The following FOXJ3 variants were observed in gnomAD, a reference collection of about 807,000 sequenced individuals.
The protein encoded by FOXJ3 is forkhead box J3, also known as forkhead box protein J3.
Under a neutral mutation model 76.1 loss-of-function variants are expected in FOXJ3, and 22 were observed. The ratio of observed to expected loss-of-function variants is 0.29; its 90% CI spans 0.21 to 0.41. The LOEUF is 0.41. FOXJ3 is among the 10% of genes least tolerant of loss of function. FOXJ3 has a pLI of 1.00. For synonymous variants in FOXJ3, 269 were observed against 261.2 expected (o/e 1.03, Z -0.29); for missense variants, 613 against 762.1 (o/e 0.80, Z 2.30).
chr1:42,262,192 T>C (rs1467820615), intron 4 of FOXJ3, among the ~76,000 whole-genome samples: 1 of 152,182 alleles, frequency 6.6e-6, no homozygotes, highest in Admixed American at 6.5e-5. Context: ...TGAAGAGACA[T>C]TCCTGGTGAT....
At chr1:42,184,747 G>A (rs918912715) in intron 11 of FOXJ3, among the ~76,000 whole-genome samples, 1 of 152,096 alleles carries the variant, frequency 6.6e-6, no homozygotes, top group African/African-American at 2.4e-5. Flanking sequence ...ATTTAAATAG[G>A]ATGACCAAGG....
At chr1:42,251,189 G>C (rs1650013249) in intron 4 of FOXJ3, among the ~76,000 whole-genome samples, 2 of 152,074 alleles carry the variant, frequency 1.3e-5, no homozygotes, top group Non-Finnish European at 2.9e-5. Flanking sequence ...GCTACCAAAA[G>C]TGACAGGGGT....
Position 42,335,126 on chromosome 1 carries a change from G to C in FOXJ3, c.-85C>G, listed in dbSNP as rs1194784507. On this transcript the variant is annotated 5_prime_UTR_variant, in exon 1 of 13. Coordinates refer to ENST00000361346, the MANE Select transcript of FOXJ3 (RefSeq NM_014947.5). ...CGCTCCGTGCGTCTCCGCCCCCCCG[G>C]GAAAGGTCCCAACGGTGCCTACTGC... 6.6e-6 allele frequency: 1 copy of C among 152,264 alleles called. No individual in the cohort carries two copies. The highest frequency in any genetic ancestry group is 1.9e-4 in the East Asian group (1 of 5,172). 9.4% of individuals were successfully genotyped at this position (152,264 alleles called of 1,614,324 possible).
intron 4 of FOXJ3, among the ~76,000 whole-genome samples, chr1:42,235,337 C>T (rs1431152592): frequency 2.0e-5 from 3 of 152,244 alleles, no homozygotes; most frequent in Admixed American, 6.5e-5. Flanking sequence ...AATTCCCTGA[C>T]CCCTTGCGTT....
chr1:42,198,340 G>A (rs776067208), intron 7 of FOXJ3, among the ~76,000 whole-genome samples: 18 of 151,432 alleles, frequency 1.2e-4, no homozygotes, highest in Non-Finnish European at 2.2e-4. Context: ...TTTCTTTCCC[G>A]TGTGTTATTT....
chr1:42,301,346 C>T (rs1392056812), intron 2 of FOXJ3, among the ~76,000 whole-genome samples: 1 of 152,028 alleles, frequency 6.6e-6, no homozygotes, highest in Non-Finnish European at 1.5e-5. Context: ...CAGTCACACG[C>T]CACAATGCCC....
chr1:42,333,336 A>T (rs1219656989), intron 1 of FOXJ3, among the ~76,000 whole-genome samples: 1 of 152,160 alleles, frequency 6.6e-6, no homozygotes, highest in Non-Finnish European at 1.5e-5. Context: ...AGTGACTTTG[A>T]AACATTAAGT....
intron 1 of FOXJ3, among the ~76,000 whole-genome samples, chr1:42,333,379 A>C (rs1656273914): frequency 6.6e-6 from 1 of 152,194 alleles, no homozygotes; most frequent in Non-Finnish European, 1.5e-5. Context: ...TGAACAAAAA[A>C]GAGCCAAAAT....
chr1:42,210,174 T>C (rs1358034220), intron 5 of FOXJ3, among the ~76,000 whole-genome samples: 4 of 152,134 alleles, frequency 2.6e-5, no homozygotes, highest in African/African-American at 9.7e-5. Flanking sequence ...CAGAGGCAGC[T>C]GTGCTCCACC....
At chr1:42,316,333 C>CTTTTTTTTTTTTTTT (rs71065173) in intron 1 of FOXJ3, among the ~76,000 whole-genome samples, 1,546 of 73,722 alleles carry the variant, frequency 0.021, 249 homozygotes, top group East Asian at 0.026. Context: ...TGCATTGGGC[C>CTTTTTTTTTTTTTTT]TTTTTTTTTT....
intron 2 of FOXJ3, among the ~76,000 whole-genome samples, chr1:42,305,936 G>T (rs1347432630): frequency 2.6e-5 from 4 of 152,138 alleles, no homozygotes; most frequent in African/African-American, 4.8e-5. Flanking sequence ...ATGTGATTAT[G>T]CACTGCATGC....
At chr1:42,276,223 G>A (rs1355019855) in intron 3 of FOXJ3, among the ~76,000 whole-genome samples, 4 of 152,084 alleles carry the variant, frequency 2.6e-5, no homozygotes, top group African/African-American at 9.7e-5. Flanking sequence ...AGGCACAGTG[G>A]TGGGCGCCTG....
At chr1:42,254,486 A>C in intron 4 of FOXJ3, among the ~76,000 whole-genome samples, 2 of 142,506 alleles carry the variant, frequency 1.4e-5, no homozygotes, top group South Asian at 2.4e-4. Context: ...AAGGACTATA[A>C]ATCATGCTGC....
At chr1:42,224,930 T>A (rs12129560) in intron 5 of FOXJ3, among the ~76,000 whole-genome samples, 1 of 151,560 alleles carries the variant, frequency 6.6e-6, no homozygotes, top group Non-Finnish European at 1.5e-5. Context: ...CTACAAAAAA[T>A]TTTAAAATTA....
chr1:42,237,389 T>TATAC (rs1302195489), intron 4 of FOXJ3, among the ~76,000 whole-genome samples: 14 of 117,220 alleles, frequency 1.2e-4, no homozygotes, highest in South Asian at 5.7e-4. Context: ...AATATATATA[T>TATAC]ATACATACAT....
intron 11 of FOXJ3, among the ~76,000 whole-genome samples, chr1:42,186,200 G>C (rs1026882122): frequency 2.0e-5 from 3 of 152,072 alleles, no homozygotes; most frequent in Non-Finnish European, 4.4e-5. Flanking sequence ...ATGACAGAAA[G>C]ACACTGACAC....
At chr1:42,250,261 C>G (rs1317329418) in intron 4 of FOXJ3, among the ~76,000 whole-genome samples, 1 of 152,068 alleles carries the variant, frequency 6.6e-6, no homozygotes, top group East Asian at 1.9e-4. Flanking sequence ...GTATAAAAAC[C>G]AGGATCTGAA....
At chr1:42,229,709 C>T (rs1480482417) in intron 4 of FOXJ3, among the ~76,000 whole-genome samples, 1 of 152,010 alleles carries the variant, frequency 6.6e-6, no homozygotes, top group African/African-American at 2.4e-5. Context: ...GCAGATGCTA[C>T]AAAAAGCACT....
intron 3 of FOXJ3, among the ~76,000 whole-genome samples, chr1:42,277,726 G>A (rs1413097296): frequency 6.0e-5 from 1 of 16,800 alleles, no homozygotes; most frequent in Non-Finnish European, 1.5e-4. Context: ...GAACCCGGGA[G>A]GCGGAGCTTG....
Sources: allele counts gnomAD v4.1 joint callset (sites outside exome capture counted in the v4.1 genomes callset), GRCh38; gene constraint gnomAD v4.1.1; transcripts MANE v1.5; gene names NCBI Gene and HGNC (gene_info 2026-07-23, HGNC 2026-07-21).